The following TANC2 variants were observed in gnomAD, a reference collection of about 807,000 sequenced individuals.
The protein encoded by TANC2 is protein TANC2.
Under a neutral mutation model 210.5 loss-of-function variants are expected in TANC2, and 26 were observed. That is an observed-to-expected ratio of 0.12 (90% CI 0.09 to 0.17). TANC2 has a LOEUF of 0.17. Among genes scored for constraint, TANC2 ranks in the 10% least tolerant of loss-of-function variants. TANC2 has a pLI of 1.00. For missense variants in TANC2, 2,129 were observed against 2,608.9 expected (o/e 0.82, Z 4.01); for synonymous variants, 931 against 967.1 (o/e 0.96, Z 0.69).
chr17:63,252,276 G>A (rs982787603), intron 8 of TANC2, among the ~76,000 whole-genome samples: 22 of 152,068 alleles, frequency 1.4e-4, no homozygotes, highest in African/African-American at 4.3e-4. Flanking sequence ...TAGGGTGGGT[G>A]AGATATTTTG....
chr17:63,016,179 T>C (rs1473786820), intron 2 of TANC2, among the ~76,000 whole-genome samples: 1 of 152,210 alleles, frequency 6.6e-6, no homozygotes, highest in East Asian at 1.9e-4. Context: ...ATACAAAGAT[T>C]TTTGTACATC....
intron 14 of TANC2, among the ~76,000 whole-genome samples, chr17:63,358,379 A>G (rs74706834): frequency 0.09 from 12,469 of 139,180 alleles, 1,270 homozygotes; most frequent in African/African-American, 0.26. Flanking sequence ...GAGAGAGAGT[A>G]TGTGTGTGTG....
At chr17:63,342,120 C>T (rs902177399) in intron 12 of TANC2, among the ~76,000 whole-genome samples, 2 of 152,110 alleles carry the variant, frequency 1.3e-5, no homozygotes, top group African/African-American at 4.8e-5. Context: ...ACCTGCCCCC[C>T]TCCAGTCAGA....
intron 11 of TANC2, among the ~76,000 whole-genome samples, chr17:63,339,212 A>G (rs139101164): frequency 6.6e-6 from 1 of 152,202 alleles, no homozygotes; most frequent in Non-Finnish European, 1.5e-5. Context: ...CTTTCTCTAC[A>G]TTCAAGCTGA....
chr17:63,072,225 AT>A (rs2036421701), intron 2 of TANC2, among the ~76,000 whole-genome samples: 1 of 152,176 alleles, frequency 6.6e-6, no homozygotes, highest in South Asian at 2.1e-4. Flanking sequence ...CCCAGTTGAA[AT>A]ACTGAGCCTT....
At chr17:63,072,781 C>T (rs549076491) in intron 2 of TANC2, among the ~76,000 whole-genome samples, 1 of 152,010 alleles carries the variant, frequency 6.6e-6, no homozygotes, top group East Asian at 1.9e-4. Context: ...GTTTAACAGC[C>T]CTCTACAAAA....
At chr17:63,308,362 C>A (rs1282023908) in intron 9 of TANC2, among the ~76,000 whole-genome samples, 3 of 152,064 alleles carry the variant, frequency 2.0e-5, no homozygotes, top group Non-Finnish European at 4.4e-5. Context: ...CTTGTTCAGG[C>A]CTTCATCACA....
intron 4 of TANC2, among the ~76,000 whole-genome samples, chr17:63,142,376 T>C (rs78035004): frequency 0.034 from 5,214 of 152,310 alleles, 300 homozygotes; most frequent in African/African-American, 0.12. Flanking sequence ...GTTATCAAAT[T>C]TGTTGGCTTA....
At chr17:62,989,477 T>C (rs2032744465) in intron 1 of TANC2, among the ~76,000 whole-genome samples, 1 of 152,254 alleles carries the variant, frequency 6.6e-6, no homozygotes, top group Admixed American at 6.5e-5. Flanking sequence ...GAATGCTTAG[T>C]GCCTGGACTT....
At chr17:62,968,230 A>G (rs1468976501) in intron 1 of TANC2, among the ~76,000 whole-genome samples, 1 of 152,232 alleles carries the variant, frequency 6.6e-6, no homozygotes, top group Non-Finnish European at 1.5e-5. Flanking sequence ...TAACAAAAGC[A>G]GAAATATGGA....
intron 7 of TANC2, among the ~76,000 whole-genome samples, chr17:63,209,418 T>TTTTG (rs574202828): frequency 9.9e-5 from 15 of 151,970 alleles, no homozygotes; most frequent in African/African-American, 3.6e-4. Context: ...AAGGAATCCT[T>TTTTG]TTTGTTTGTT....
intron 4 of TANC2, among the ~76,000 whole-genome samples, chr17:63,106,954 C>T (rs997556104): frequency 6.6e-6 from 1 of 151,300 alleles, no homozygotes; most frequent in Non-Finnish European, 1.5e-5. Context: ...ATATAGTAGC[C>T]TTGTCTTCCT....
intron 9 of TANC2, among the ~76,000 whole-genome samples, chr17:63,297,044 C>G (rs1021472255): frequency 6.6e-6 from 1 of 152,084 alleles, no homozygotes; most frequent in Non-Finnish European, 1.5e-5. Flanking sequence ...AACATGAATT[C>G]AGCAAAGTTG....
intron 9 of TANC2, among the ~76,000 whole-genome samples, chr17:63,269,117 A>T (rs1272014027): frequency 6.6e-6 from 1 of 152,144 alleles, no homozygotes; most frequent in African/African-American, 2.4e-5. Flanking sequence ...CATTATGCTA[A>T]CAGTTTTTCA....
At chr17:63,352,028 G>A (rs1170383837) in intron 13 of TANC2, among the ~76,000 whole-genome samples, 1 of 152,092 alleles carries the variant, frequency 6.6e-6, no homozygotes, top group African/African-American at 2.4e-5. Context: ...CCAGGAATGT[G>A]AGACTGAGCC....
intron 4 of TANC2, among the ~76,000 whole-genome samples, chr17:63,106,283 G>GTA (rs1300951596): frequency 6.6e-6 from 1 of 151,656 alleles, no homozygotes; most frequent in Admixed American, 6.6e-5. Context: ...GAGCTCGACA[G>GTA]TAAAGTGGTA....
At chr17:63,348,846 G>GA (rs1200349970) in intron 12 of TANC2, among the ~76,000 whole-genome samples, 2 of 152,078 alleles carry the variant, frequency 1.3e-5, no homozygotes, top group East Asian at 3.8e-4. Context: ...ATTTCAAAGT[G>GA]AAAATCTAAA....
intron 8 of TANC2, among the ~76,000 whole-genome samples, chr17:63,250,754 A>T (rs1230883109): frequency 6.6e-6 from 1 of 152,140 alleles, no homozygotes; most frequent in Non-Finnish European, 1.5e-5. Context: ...AAAGATTCCC[A>T]TTCTCATGTA....
intron 8 of TANC2, among the ~76,000 whole-genome samples, chr17:63,256,519 T>G (rs1280388076): frequency 6.6e-6 from 1 of 152,216 alleles, no homozygotes; most frequent in Non-Finnish European, 1.5e-5. Context: ...TAACATATGG[T>G]CTGCCCTTGA....
Sources: allele counts gnomAD v4.1 joint callset (sites outside exome capture counted in the v4.1 genomes callset), GRCh38; gene constraint gnomAD v4.1.1; transcripts MANE v1.5; gene names NCBI Gene and HGNC (gene_info 2026-07-23, HGNC 2026-07-21).